SIL1: variants seen among roughly 807,000 people sequenced by gnomAD.
The protein encoded by SIL1 is SIL1 nucleotide exchange factor, also known as nucleotide exchange factor SIL1.
A neutral mutation model predicts 49.1 loss-of-function variants in SIL1; 40 were observed. That is an observed-to-expected ratio of 0.81 (90% CI 0.63 to 1.06). The LOEUF is 1.06. Among genes scored for constraint, SIL1 ranks in the 50% least tolerant of loss-of-function variants. The probability of loss-of-function intolerance (pLI) is 0.00; values close to 1 mark genes in which losing one functional copy is unlikely to be tolerated. For missense variants in SIL1, 500 were observed against 572.6 expected (o/e 0.87, Z 1.29); for synonymous variants, 253 against 250.8 (o/e 1.01, Z -0.08).
At chr5:139,051,927 T>C (rs755909342) in intron 3 of SIL1, among the ~76,000 whole-genome samples, 7 of 152,188 alleles carry the variant, frequency 4.6e-5, no homozygotes, top group Non-Finnish European at 1.0e-4. Context: ...GGATGGAGAA[T>C]TTCAGGGAAA....
intron 1 of SIL1, among the ~76,000 whole-genome samples, chr5:139,178,249 A>G (rs1297235186): frequency 6.6e-6 from 1 of 152,212 alleles, no homozygotes; most frequent in Non-Finnish European, 1.5e-5. Context: ...CAAGATTGCC[A>G]TTTAGCTGAC....
intron 3 of SIL1, among the ~76,000 whole-genome samples, chr5:139,092,117 G>A (rs1480693069): frequency 2.0e-5 from 3 of 152,162 alleles, no homozygotes; most frequent in Non-Finnish European, 2.9e-5. Flanking sequence ...TCAAGGAGGG[G>A]AAACCCCTGG....
At chr5:138,951,022 A>G (rs1766759374) in intron 9 of SIL1, 149 bp downstream of exon 9, 2 of 921,706 alleles carry the variant, frequency 2.2e-6, no homozygotes, top group Admixed American at 2.0e-5. Context: ...GACGTCCCCA[A>G]TCTCTTCCAA....
At chr5:139,149,333 T>C (rs1053939082) in intron 1 of SIL1, among the ~76,000 whole-genome samples, 1 of 152,186 alleles carries the variant, frequency 6.6e-6, no homozygotes, top group Non-Finnish European at 1.5e-5. Context: ...AAAAGATGAA[T>C]AAACCCATAC....
chr5:139,073,294 TCATC>T (rs1256740963), intron 3 of SIL1, among the ~76,000 whole-genome samples: 1 of 152,216 alleles, frequency 6.6e-6, no homozygotes, highest in African/African-American at 2.4e-5. Context: ...AGACATGGAA[TCATC>T]CTCAATCTCC....
chr5:139,117,920 GA>G (rs1771031230), intron 3 of SIL1, among the ~76,000 whole-genome samples: 1 of 152,082 alleles, frequency 6.6e-6, no homozygotes, highest in African/African-American at 2.4e-5. Context: ...AGGCAGTCTG[GA>G]AATCTGCCTT....
chr5:139,068,990 G>A (rs936362262), intron 3 of SIL1, among the ~76,000 whole-genome samples: 4 of 151,928 alleles, frequency 2.6e-5, no homozygotes, highest in Admixed American at 6.6e-5. Context: ...GCTGTGTATG[G>A]TGACTCACAC....
chr5:139,114,564 C>G (rs374518871), intron 3 of SIL1, among the ~76,000 whole-genome samples: 2 of 152,054 alleles, frequency 1.3e-5, no homozygotes, highest in Admixed American at 6.6e-5. Flanking sequence ...TGCTCAGAGT[C>G]GAGAATGCTT....
chr5:138,978,490 G>C (rs987921798), intron 7 of SIL1, among the ~76,000 whole-genome samples: 1 of 152,146 alleles, frequency 6.6e-6, no homozygotes, highest in African/African-American at 2.4e-5. Flanking sequence ...GAATATTGAG[G>C]CTATGCACAT....
intron 1 of SIL1, among the ~76,000 whole-genome samples, chr5:139,156,692 A>G (rs1468006037): frequency 6.6e-6 from 1 of 152,190 alleles, no homozygotes; most frequent in Non-Finnish European, 1.5e-5. Flanking sequence ...ATGTGTCCAC[A>G]AGCCAAGGAA....
intron 7 of SIL1, among the ~76,000 whole-genome samples, chr5:138,978,011 T>C (rs2150397147): frequency 6.6e-6 from 1 of 152,344 alleles, no homozygotes; most frequent in Non-Finnish European, 1.5e-5. Flanking sequence ...CTAAAGAACC[T>C]TATATCATCC....
chr5:139,001,859 G>A (rs543353075), intron 7 of SIL1, among the ~76,000 whole-genome samples: 57 of 151,850 alleles, frequency 3.8e-4, no homozygotes, highest in Non-Finnish European at 7.4e-4. Flanking sequence ...GAGCCAAGTC[G>A]CGCCACTGCA....
intron 7 of SIL1, among the ~76,000 whole-genome samples, chr5:138,984,356 T>TA (rs1238282983): frequency 8.0e-4 from 120 of 149,360 alleles, no homozygotes; most frequent in Non-Finnish European, 1.5e-3. Context: ...TTGCTTTTGT[T>TA]TTTTTTTTTT....
chr5:138,995,368 C>G (rs1767842691), intron 7 of SIL1, among the ~76,000 whole-genome samples: 1 of 151,600 alleles, frequency 6.6e-6, no homozygotes, highest in East Asian at 1.9e-4. Flanking sequence ...CCTCAGCCTC[C>G]CAAGTAGCTG....
At chr5:139,030,050 T>C (rs2150435798) in intron 5 of SIL1, among the ~76,000 whole-genome samples, 1 of 151,986 alleles carries the variant, frequency 6.6e-6, no homozygotes, top group East Asian at 2.0e-4. Context: ...GATTAGGTTA[T>C]AATTAGATTA....
chr5:139,188,829 C>T (rs991170785), intron 1 of SIL1, among the ~76,000 whole-genome samples: 6 of 152,172 alleles, frequency 3.9e-5, no homozygotes, highest in African/African-American at 1.4e-4. Flanking sequence ...CCAATAAAAT[C>T]CCCTCATCAG....
intron 7 of SIL1, among the ~76,000 whole-genome samples, chr5:139,003,501 C>A (rs1176443278): frequency 1.3e-5 from 2 of 152,162 alleles, no homozygotes; most frequent in East Asian, 1.9e-4. Context: ...GCAGATGTTT[C>A]TTTATTTACT....
chr5:138,983,016 G>A (rs976335607), intron 7 of SIL1, among the ~76,000 whole-genome samples: 1 of 151,766 alleles, frequency 6.6e-6, no homozygotes, highest in Non-Finnish European at 1.5e-5. Context: ...GGGCAACATG[G>A]TGAAACACCA....
At chr5:138,957,230 T>C (rs1342275895) in intron 7 of SIL1, among the ~76,000 whole-genome samples, 1 of 152,056 alleles carries the variant, frequency 6.6e-6, no homozygotes, top group South Asian at 2.1e-4. Context: ...CACAATCACC[T>C]GGGCAGTTTA....
Sources: gnomAD v4.1 joint callset for allele counts (sites outside exome capture counted in the v4.1 genomes callset) on GRCh38, gnomAD v4.1.1 for gene constraint, MANE v1.5 for transcripts, NCBI Gene and HGNC (gene_info 2026-07-23, HGNC 2026-07-21) for gene names.